The following BRINP3 variants were observed in gnomAD, a reference collection of about 807,000 sequenced individuals.
BRINP3 encodes the protein BMP/retinoic acid inducible neural specific 3.
A neutral mutation model predicts 71.0 loss-of-function variants in BRINP3; 19 were observed. The observed-to-expected ratio is 0.27, with a 90% CI of 0.19 to 0.39. BRINP3 has a LOEUF of 0.39. BRINP3 is among the 10% of genes least tolerant of loss of function. BRINP3 has a pLI of 1.00. For synonymous variants in BRINP3, 380 were observed against 337.7 expected, an observed-to-expected ratio of 1.13 and a Z score of -1.37; for missense variants, 959 against 940.8, an observed-to-expected ratio of 1.02 and a Z score of -0.25.
chr1:190,112,585 A>G (rs1228195064), intron 7 of BRINP3, among the ~76,000 whole-genome samples: 2 of 152,206 alleles, frequency 1.3e-5, no homozygotes, highest in South Asian at 2.1e-4. Flanking sequence ...TTGAAAATTA[A>G]TAAGTACATA....
chr1:190,472,410 C>T (rs965722850), intron 1 of BRINP3, among the ~76,000 whole-genome samples: 1 of 151,630 alleles, frequency 6.6e-6, no homozygotes, highest in Non-Finnish European at 1.5e-5. Context: ...AGCACACAAT[C>T]ATAATATCCA....
chr1:190,184,800 C>T (rs1325985646), intron 6 of BRINP3, among the ~76,000 whole-genome samples: 1 of 152,038 alleles, frequency 6.6e-6, no homozygotes, highest in Non-Finnish European at 1.5e-5. Flanking sequence ...TATTCACTAC[C>T]TGGGTGATGG....
At chr1:190,320,670 C>A (rs1666177549) in intron 2 of BRINP3, among the ~76,000 whole-genome samples, 1 of 151,884 alleles carries the variant, frequency 6.6e-6, no homozygotes, top group African/African-American at 2.4e-5. Flanking sequence ...GTCACTCCCA[C>A]CCCCCAACAC....
intron 2 of BRINP3, among the ~76,000 whole-genome samples, chr1:190,345,600 T>G (rs1157880926): frequency 6.6e-6 from 1 of 151,126 alleles, no homozygotes; most frequent in Non-Finnish European, 1.5e-5. Context: ...ATGCAAAATG[T>G]GCATGTCAAA....
chr1:190,191,327 T>A (rs984564918), intron 6 of BRINP3, among the ~76,000 whole-genome samples: 8 of 152,046 alleles, frequency 5.3e-5, no homozygotes, highest in Non-Finnish European at 1.0e-4. Context: ...GTGTATAACG[T>A]GCAGGTTTGT....
chr1:190,468,204 A>G (rs553446277), intron 1 of BRINP3, among the ~76,000 whole-genome samples: 58 of 151,526 alleles, frequency 3.8e-4, no homozygotes, highest in African/African-American at 1.3e-3. Flanking sequence ...GCATTTCAAA[A>G]TTATATCACT....
intron 3 of BRINP3, among the ~76,000 whole-genome samples, chr1:190,267,975 T>C (rs1661800603): frequency 6.6e-6 from 1 of 152,082 alleles, no homozygotes; most frequent in African/African-American, 2.4e-5. Context: ...TATCTAAAAA[T>C]CATCATATAC....
At chr1:190,368,471 C>T (rs1669649878) in intron 2 of BRINP3, among the ~76,000 whole-genome samples, 1 of 146,614 alleles carries the variant, frequency 6.8e-6, no homozygotes, top group African/African-American at 2.4e-5. Flanking sequence ...AAAGCCCGTG[C>T]CCTTATACAA....
In BRINP3 at chr1:190,154,513, C is replaced by G. The variant is rs563621574; in HGVS notation, c.1184+6155G>C. Reference sequence around the variant, plus strand: ...TGTTTTGACACTTCCACTGACAGTTCTAAAGCAATGGAGAGTAAACTACTG... The same window carrying G: ...TGTTTTGACACTTCCACTGACAGTTGTAAAGCAATGGAGAGTAAACTACTG... On this transcript the variant is annotated intron_variant, in intron 7 of 7. Transcript: ENST00000367462. Among the ~76,000 whole-genome samples, 20 of 152,238 alleles carry G rather than the reference C, an allele frequency of 1.3e-4. 1 individual carries two copies. In the South Asian group the frequency reaches 3.5e-3, roughly 27 times the overall value.
chr1:190,421,949 C>T (rs1352479162), intron 2 of BRINP3, among the ~76,000 whole-genome samples: 1 of 151,758 alleles, frequency 6.6e-6, no homozygotes, highest in Admixed American at 6.6e-5. Context: ...TACTCCTTAT[C>T]TTTTTGCTGG....
intron 2 of BRINP3, among the ~76,000 whole-genome samples, chr1:190,340,987 C>A (rs1463641036): frequency 6.6e-6 from 1 of 151,752 alleles, no homozygotes; most frequent in African/African-American, 2.4e-5. Flanking sequence ...TGCTCTTGTG[C>A]AGTTTATACT....
At chr1:190,331,816 G>A (rs1666983144) in intron 2 of BRINP3, among the ~76,000 whole-genome samples, 1 of 152,008 alleles carries the variant, frequency 6.6e-6, no homozygotes, top group African/African-American at 2.4e-5. Flanking sequence ...ACTTGCAGCA[G>A]TGAGCCTAAC....
intron 2 of BRINP3, among the ~76,000 whole-genome samples, chr1:190,447,412 T>C (rs1403946891): frequency 6.8e-6 from 1 of 147,530 alleles, no homozygotes; most frequent in Non-Finnish European, 1.5e-5. Flanking sequence ...TATTAATTTC[T>C]TTTTAATTTC....
intron 2 of BRINP3, among the ~76,000 whole-genome samples, chr1:190,388,551 A>T (rs1671056374): frequency 6.6e-6 from 1 of 151,812 alleles, no homozygotes; most frequent in Admixed American, 6.6e-5. Context: ...GGAATTTGAC[A>T]AAGATTTTTG....
At chr1:190,169,464 T>C (rs1233404365) in intron 6 of BRINP3, among the ~76,000 whole-genome samples, 1 of 152,152 alleles carries the variant, frequency 6.6e-6, no homozygotes, top group African/African-American at 2.4e-5. Flanking sequence ...TGAGCCAGCA[T>C]CTCCAATCCT....
At chr1:190,194,547 T>C (rs1430099190) in intron 6 of BRINP3, among the ~76,000 whole-genome samples, 1 of 152,130 alleles carries the variant, frequency 6.6e-6, no homozygotes, top group Non-Finnish European at 1.5e-5. Flanking sequence ...AAGAGTACCA[T>C]ATGTTGAAAA....
At chr1:190,298,508 A>AT (rs1344973109) in intron 2 of BRINP3, among the ~76,000 whole-genome samples, 1 of 151,614 alleles carries the variant, frequency 6.6e-6, no homozygotes, top group African/African-American at 2.4e-5. Context: ...ATGTTCCACA[A>AT]TTTTTGATAT....
intron 6 of BRINP3, among the ~76,000 whole-genome samples, chr1:190,178,675 C>A (rs1483711637): frequency 2.0e-5 from 3 of 152,030 alleles, no homozygotes; most frequent in African/African-American, 7.2e-5. Context: ...AATTGAATTC[C>A]ATTTTTCTTA....
chr1:190,448,373 A>G (rs1418605483), intron 2 of BRINP3, among the ~76,000 whole-genome samples: 1 of 151,728 alleles, frequency 6.6e-6, no homozygotes, highest in African/African-American at 2.4e-5. Flanking sequence ...TATGTTACAT[A>G]TTTAGTGCAC....
Sources: gnomAD v4.1 joint callset for allele counts (sites outside exome capture counted in the v4.1 genomes callset) on GRCh38, gnomAD v4.1.1 for gene constraint, MANE v1.5 for transcripts, NCBI Gene and HGNC (gene_info 2026-07-23, HGNC 2026-07-21) for gene names.